DHRS4L2: variants seen among roughly 807,000 people sequenced by gnomAD.
DHRS4L2 encodes the protein dehydrogenase/reductase 4 like 2.
Under a neutral mutation model 23.9 loss-of-function variants are expected in DHRS4L2, and 22 were observed. The ratio of observed to expected loss-of-function variants is 0.92; its 90% CI spans 0.66 to 1.31. The LOEUF is 1.31. Ranked by LOEUF, DHRS4L2 falls within the 40% of genes most tolerant of loss-of-function variation. The pLI, the probability that DHRS4L2 is intolerant of heterozygous loss-of-function variation, is 0.00. For missense variants in DHRS4L2, 385 were observed against 303.3 expected, an observed-to-expected ratio of 1.27 and a Z score of -2.00; for synonymous variants, 141 against 123.7, an observed-to-expected ratio of 1.14 and a Z score of -0.93.
In DHRS4L2 at chr14:23,989,019, G is replaced by C; in HGVS notation, c.72G>C (p.Met24Ile). 1 of 1,604,360 alleles carries C rather than the reference G, an allele frequency of 6.2e-7. No individual in the cohort carries two copies. Among genetic ancestry groups the C allele is most frequent in the Non-Finnish European group, 8.5e-7 (1 of 1,175,590 alleles). ...RKSVRMASSR[M>I]TRRDPLTNKV... ...CGGTGCGGATGGCCAGCTCCAGGATGACCCGCCGGGACCCGCTCACAAATA... is the reference window on the plus strand; with the variant it reads ...CGGTGCGGATGGCCAGCTCCAGGATCACCCGCCGGGACCCGCTCACAAATA... Residue 24 changes from methionine to isoleucine, a missense_variant, in exon 1 of 8, where the codon ATG (methionine) becomes ATC (isoleucine). Physicochemically the swap from Met to Ile is conservative, Grantham distance 10. Coordinates refer to ENST00000335125, the MANE Select transcript of DHRS4L2 (RefSeq NM_198083.4).
At position 23,989,107 on chromosome 14, in the gene DHRS4L2, T is replaced by C; in HGVS notation, c.128+32T>C. The C allele has an allele frequency of 1.9e-6, 3 of 1,551,210 alleles. No homozygotes were observed. In the South Asian group the frequency reaches 3.6e-5, roughly 18 times the overall value. ...GTTGGTGCCGGAGTTTCTGAGGCCC[T>C]GGCTGCCTGGAAACATGCACTGGTG... On this transcript the variant is annotated intron_variant, in intron 1 of 7. Transcript: ENST00000335125.
chr14:23,992,030 C>T (rs1267412518), intron 2 of DHRS4L2, among the ~76,000 whole-genome samples: 2 of 151,646 alleles, frequency 1.3e-5, no homozygotes, highest in South Asian at 2.1e-4. Flanking sequence ...CCACTGTGCC[C>T]GGCCATAGCT....
intron 1 of DHRS4L2, among the ~76,000 whole-genome samples, chr14:23,976,507 G>A (rs539094214): frequency 6.6e-6 from 1 of 151,822 alleles, no homozygotes; most frequent in Non-Finnish European, 1.5e-5. Flanking sequence ...CTGTTGGTGG[G>A]AGTGTAAATT....
rs779707958 is a variant in DHRS4L2 at position 23,995,548 on chromosome 14, GTTAT to G, written c.408+419_408+422del. ...AGTTGGGAAATATTAAATGCTGCTA[GTTAT>G]TTAAAATACTAATTCTGGTGAAATG... On this transcript the variant is annotated intron_variant, in intron 3 of 7. Coordinates refer to ENST00000335125, the MANE Select transcript of DHRS4L2 (RefSeq NM_198083.4). Among the ~76,000 whole-genome samples the G allele has an allele frequency of 3.5e-4, 52 of 149,984 alleles. 1 individual carries two copies. Among genetic ancestry groups the G allele is most frequent in the Non-Finnish European group, 6.4e-4 (43 of 66,732 alleles).
intron 3 of DHRS4L2, among the ~76,000 whole-genome samples, chr14:23,996,851 T>A (rs2034393168): frequency 6.6e-6 from 1 of 151,938 alleles, no homozygotes; most frequent in South Asian, 2.1e-4. Context: ...CTCAGGCTGG[T>A]CTCAAATTCC....
chr14:24,005,845 G>A (rs752943717), intron 7 of DHRS4L2, 41 bp from the exon 8 acceptor site: 5 of 1,609,052 alleles, frequency 3.1e-6, no homozygotes, highest in East Asian at 2.2e-5. Context: ...AGGCAGACCC[G>A]TTTGATTTTT....
rs1190741908 is a variant in DHRS4L2 at position 23,981,382 on chromosome 14, G to A, written c.-175-8800G>A. Among the ~76,000 whole-genome samples, 4 of 151,530 alleles carry A rather than the reference G, an allele frequency of 2.6e-5. 1 individual carries two copies. The highest frequency in any genetic ancestry group is 2.4e-5 in the African/African-American group (1 of 41,228). ...TCGTGAAAATGGCCATACTGCCCAA[G>A]GTAATTTATAGATTCAGTGCTATCC... On this transcript the variant is annotated intron_variant, in intron 1 of 5. Coordinates refer to the DHRS4L2 transcript ENST00000534993.
chr14:23,971,837 A>G (rs1444167697), intron 1 of DHRS4L2, among the ~76,000 whole-genome samples: 1 of 152,088 alleles, frequency 6.6e-6, no homozygotes, highest in Non-Finnish European at 1.5e-5. Context: ...GGAAGCACTA[A>G]ACATGGAAAG....
At chr14:24,001,351 C>G (rs2034484814) in intron 5 of DHRS4L2, 33 bp from the exon 6 acceptor site, 3 of 1,593,694 alleles carry the variant, frequency 1.9e-6, no homozygotes, top group East Asian at 2.2e-5. Flanking sequence ...GACCTGGAAA[C>G]TATGAGTCTA....
In DHRS4L2 at chr14:23,990,302, G is replaced by T; in HGVS notation, c.249G>T (p.Val83=). 1.2e-6 allele frequency: 2 copies of T among 1,612,260 alleles called. No individual in the cohort carries two copies. Among genetic ancestry groups the T allele is most frequent in the Non-Finnish European group, 1.7e-6 (2 of 1,179,090 alleles). ...CGCTGCAGGGGGAGGGGCTGAGCGTGACGGGCACTGTGTGCCATGTGGGGA... is the reference window on the plus strand; with the variant it reads ...CGCTGCAGGGGGAGGGGCTGAGCGTTACGGGCACTGTGTGCCATGTGGGGA... ...VATLQGEGLS[V]TGTVCHVGKA... is the part of the protein sequence containing the mutation. The change falls in exon 2 of 8, where the codon GTG becomes GTT. Residue 83 remains valine, a synonymous_variant. Transcript: ENST00000335125.
chr14:24,000,880 G>C lies in DHRS4L2; in HGVS notation c.426G>C (p.Val142=), dbSNP rs778079091. ...GGCTTCAGACTCTGGACATTAATGTGAAGGCCCCAGCCCTGATGACAAAGG... is the reference window on the plus strand; with the variant it reads ...GGCTTCAGACTCTGGACATTAATGTCAAGGCCCCAGCCCTGATGACAAAGG... The part of the protein sequence containing the change: ...EVWDKTLDIN[V]KAPALMTKAV... The change falls in exon 4 of 8, where the codon GTG becomes GTC. Residue 142 remains valine (V), a synonymous_variant. Transcript: ENST00000335125. 1.2e-6 allele frequency: 2 copies of C among 1,610,334 alleles called. No homozygotes were observed. The highest frequency in any genetic ancestry group is 1.7e-5 in the Admixed American group (1 of 59,882).
intron 1 of DHRS4L2, chr14:23,970,385 G>C (rs553788566): frequency 5.2e-6 from 2 of 384,600 alleles, no homozygotes; most frequent in Non-Finnish European, 5.2e-6. Context: ...ATCAGTTAAC[G>C]GGGCCGTGGG....
intron 1 of DHRS4L2, among the ~76,000 whole-genome samples, chr14:23,981,313 C>G (rs758707431): frequency 1.2e-4 from 18 of 151,682 alleles, no homozygotes; most frequent in East Asian, 3.9e-4. Flanking sequence ...AGGACACAAA[C>G]AAATGGAAAA....
exon 1 of DHRS4L2, chr14:23,970,246 A>T (rs117274371): frequency 0.16 from 58,447 of 375,864 alleles, 6,648 homozygotes; most frequent in East Asian, 0.35. Flanking sequence ...CGCTACCCCA[A>T]GCATCCAGAC....
rs1205982723 is a variant in DHRS4L2, at chr14:24,006,015, C to T, written c.*152C>T. ...CCCGCCTCTGAGGACCGGGAGACAG[C>T]CCACAGGCCAGAGTTGGGCTCTAGC... On this transcript the variant is annotated 3_prime_UTR_variant, in exon 8 of 8. Transcript: ENST00000335125. The T allele has an allele frequency of 1.9e-6, 3 of 1,603,238 alleles. No homozygotes were observed. Among genetic ancestry groups the T allele is most frequent in the African/African-American group, 1.4e-5 (1 of 73,486 alleles).
At chr14:23,996,285 T>C (rs114929953) in intron 3 of DHRS4L2, among the ~76,000 whole-genome samples, 2,125 of 151,470 alleles carry the variant, frequency 0.014, 65 homozygotes, top group African/African-American at 0.049. Flanking sequence ...TTACCAACTA[T>C]ATCAGGTGTC....
chr14:23,973,274 T>C (rs1334799614), intron 1 of DHRS4L2, among the ~76,000 whole-genome samples: 2 of 152,012 alleles, frequency 1.3e-5, no homozygotes, highest in East Asian at 3.9e-4. Context: ...TGTGGCTTTC[T>C]GCAGTGCATT....
At chr14:23,987,869 T>C (rs573987035), upstream of DHRS4L2, among the ~76,000 whole-genome samples, 22 of 150,994 alleles carry the variant, frequency 1.5e-4, no homozygotes, top group African/African-American at 4.6e-4. Flanking sequence ...TTTGGGTCTG[T>C]TGCGGCCTTT....
chr14:23,978,072 A>T (rs944518654), intron 1 of DHRS4L2, among the ~76,000 whole-genome samples: 2 of 151,612 alleles, frequency 1.3e-5, no homozygotes, highest in African/African-American at 4.9e-5. Flanking sequence ...ACTTCAATAA[A>T]CACTCCTTAA....
Sources: gnomAD v4.1 joint callset for allele counts (sites outside exome capture counted in the v4.1 genomes callset) on GRCh38, gnomAD v4.1.1 for gene constraint, MANE v1.5 for transcripts, NCBI Gene and HGNC (gene_info 2026-07-23, HGNC 2026-07-21) for gene names.